Variants in SLC10A7 observed in about 807,000 individuals in gnomAD.
SLC10A7 encodes the protein sodium/bile acid cotransporter 7.
Under a neutral mutation model 43.2 loss-of-function variants are expected in SLC10A7, and 29 were observed. The ratio of observed to expected loss-of-function variants is 0.67; its 90% CI spans 0.50 to 0.92. The LOEUF is 0.92. Among genes scored for constraint, SLC10A7 ranks in the 40% least tolerant of loss-of-function variants. The pLI is 0.00. For missense variants in SLC10A7, 295 were observed against 403.2 expected (o/e 0.73, Z 2.30); for synonymous variants, 152 against 144.8 (o/e 1.05, Z -0.35).
intron 5 of SLC10A7, among the ~76,000 whole-genome samples, chr4:146,382,342 C>A (rs1737687208): frequency 6.6e-6 from 1 of 152,152 alleles, no homozygotes; most frequent in Non-Finnish European, 1.5e-5. Flanking sequence ...ATTGTGCCAT[C>A]ACTGTATTTA....
At chr4:146,489,300 A>G (rs1735188544) in intron 4 of SLC10A7, among the ~76,000 whole-genome samples, 1 of 152,188 alleles carries the variant, frequency 6.6e-6, no homozygotes, top group Non-Finnish European at 1.5e-5. Flanking sequence ...AAGGGCAGAG[A>G]AGGGAGGGTG....
intron 4 of SLC10A7, among the ~76,000 whole-genome samples, chr4:146,503,591 A>G (rs1033065741): frequency 3.3e-5 from 5 of 152,158 alleles, no homozygotes; most frequent in African/African-American, 1.2e-4. Context: ...TTGTCTCCCA[A>G]TTTCCACTGA....
chr4:146,406,546 T>A (rs1259326902), intron 5 of SLC10A7, among the ~76,000 whole-genome samples: 1 of 152,200 alleles, frequency 6.6e-6, no homozygotes, highest in East Asian at 1.9e-4. Flanking sequence ...CACACTCTGC[T>A]ATGAACAACT....
intron 7 of SLC10A7, among the ~76,000 whole-genome samples, chr4:146,305,636 A>G (rs1025936406): frequency 6.6e-6 from 1 of 152,216 alleles, no homozygotes; most frequent in East Asian, 1.9e-4. Context: ...GTAGCTACAC[A>G]GCTACAAAGA....
chr4:146,347,384 C>T (rs1039437245), intron 5 of SLC10A7, among the ~76,000 whole-genome samples: 2 of 152,148 alleles, frequency 1.3e-5, no homozygotes, highest in Non-Finnish European at 2.9e-5. Context: ...TGAAATACCT[C>T]AAAAAGTGCT....
intron 3 of SLC10A7, among the ~76,000 whole-genome samples, chr4:146,505,045 G>A (rs2150033734): frequency 6.6e-6 from 1 of 152,306 alleles, no homozygotes; most frequent in Non-Finnish European, 1.5e-5. Context: ...GCTGGCCTAA[G>A]TGGAAAGTTC....
chr4:146,376,645 C>A (rs115284095), intron 5 of SLC10A7, among the ~76,000 whole-genome samples: 1 of 152,122 alleles, frequency 6.6e-6, no homozygotes, highest in Non-Finnish European at 1.5e-5. Flanking sequence ...GCCACCCCAT[C>A]GCTTGTTTGA....
chr4:146,439,274 A>G (rs1240604575), intron 5 of SLC10A7, among the ~76,000 whole-genome samples: 1 of 152,094 alleles, frequency 6.6e-6, no homozygotes, highest in African/African-American at 2.4e-5. Flanking sequence ...CACTGTTTAA[A>G]TTAGACCTGG....
At chr4:146,303,956 A>G (rs1475114875) in intron 7 of SLC10A7, among the ~76,000 whole-genome samples, 1 of 151,870 alleles carries the variant, frequency 6.6e-6, no homozygotes, top group East Asian at 1.9e-4. Context: ...AAAGGCAGAA[A>G]TAAGTCTAGA....
intron 5 of SLC10A7, among the ~76,000 whole-genome samples, chr4:146,385,316 A>C (rs917349145): frequency 6.6e-6 from 1 of 152,174 alleles, no homozygotes; most frequent in Admixed American, 6.6e-5. Flanking sequence ...AGGTTAGTGC[A>C]AAAGTAACTG....
chr4:146,337,351 T>C (rs998653044), intron 5 of SLC10A7, among the ~76,000 whole-genome samples: 2 of 152,036 alleles, frequency 1.3e-5, no homozygotes, highest in African/African-American at 4.8e-5. Flanking sequence ...AGCTACAATC[T>C]GAGGTTGCAG....
intron 10 of SLC10A7, among the ~76,000 whole-genome samples, chr4:146,277,324 A>C (rs943973737): frequency 2.0e-4 from 31 of 152,168 alleles, no homozygotes; most frequent in African/African-American, 6.8e-4. Context: ...GACTTTCTAA[A>C]TTTTGATTGC....
At chr4:146,516,960 C>T in intron 2 of SLC10A7, 78 bp downstream of exon 2, 1 of 1,130,318 alleles carries the variant, frequency 8.8e-7, no homozygotes, top group Non-Finnish European at 1.3e-6. Context: ...AACAGCTTTA[C>T]CAAAGGACTC....
chr4:146,457,102 G>A (rs1579236470), intron 4 of SLC10A7, among the ~76,000 whole-genome samples: 1 of 151,892 alleles, frequency 6.6e-6, no homozygotes. Flanking sequence ...ATAAACTAAT[G>A]AGTGTGGCTG....
chr4:146,335,707 G>A (rs1733850840), intron 5 of SLC10A7, among the ~76,000 whole-genome samples: 3 of 152,022 alleles, frequency 2.0e-5, no homozygotes, highest in African/African-American at 7.2e-5. Context: ...ACAAGGAAAT[G>A]ATGATAAGAT....
intron 3 of SLC10A7, among the ~76,000 whole-genome samples, chr4:146,507,252 T>C (rs1736998683): frequency 6.6e-6 from 1 of 152,176 alleles, no homozygotes; most frequent in Non-Finnish European, 1.5e-5. Flanking sequence ...TATATGTGAC[T>C]CCTCTTGCTC....
rs183340557 is a variant in SLC10A7, at chr4:146,443,659, T to C, written c.397-838A>G. Among the ~76,000 whole-genome samples the C allele has an allele frequency of 1.0e-3, 156 of 152,340 alleles. 1 individual carries two copies. Among genetic ancestry groups the C allele is most frequent in the Middle Eastern group, 0.01 (3 of 294 alleles). On this transcript the variant is annotated intron_variant, in intron 4 of 11. Coordinates refer to ENST00000335472, the MANE Select transcript of SLC10A7 (RefSeq NM_001029998.6). ...CATACCCAGAGCAGAATTAAATTAA[T>C]CATTGTGGACATTAGCAGCCACACT...
At chr4:146,300,135 T>A (rs972107423) in intron 7 of SLC10A7, among the ~76,000 whole-genome samples, 8 of 151,894 alleles carry the variant, frequency 5.3e-5, no homozygotes, top group Admixed American at 4.6e-4. Flanking sequence ...AGTAAAGTCG[T>A]GAGGATGGTG....
At chr4:146,488,141 C>T (rs975012493) in intron 4 of SLC10A7, among the ~76,000 whole-genome samples, 15 of 151,834 alleles carry the variant, frequency 9.9e-5, no homozygotes, top group African/African-American at 2.9e-4. Flanking sequence ...CAGTGAGCCA[C>T]GATCATACCA....
Sources: allele counts gnomAD v4.1 joint callset (sites outside exome capture counted in the v4.1 genomes callset), GRCh38; gene constraint gnomAD v4.1.1; transcripts MANE v1.5; gene names NCBI Gene and HGNC (gene_info 2026-07-23, HGNC 2026-07-21).